Variants in AFAP1L2 observed in about 807,000 individuals in gnomAD.
AFAP1L2 encodes actin filament associated protein 1 like 2, also known as actin filament-associated protein 1-like 2.
A neutral mutation model predicts 99.3 loss-of-function variants in AFAP1L2; 46 were observed. The observed-to-expected ratio is 0.46, with a 90% confidence interval of 0.37 to 0.59. The LOEUF (loss-of-function observed/expected upper bound fraction) is 0.59, where lower values mean the gene tolerates loss of function less well. AFAP1L2 is among the 20% of genes least tolerant of loss of function. The pLI, the probability that AFAP1L2 is intolerant of heterozygous loss-of-function variation, is 0.00. For synonymous variants in AFAP1L2, 397 were observed against 419.1 expected, an observed-to-expected ratio of 0.95 and a Z score of 0.64; for missense variants, 959 against 1,034.9, an observed-to-expected ratio of 0.93 and a Z score of 1.01.
At chr10:114,282,396 G>A in the AFAP1L2 span, 1 of 785,466 alleles carries the variant, frequency 1.3e-6, no homozygotes. Context: ...AAACCAGGAA[G>A]TCTTTCTTAC....
chr10:114,293,557 T>A (rs2039797121), downstream of AFAP1L2, among the ~76,000 whole-genome samples: 1 of 152,214 alleles, frequency 6.6e-6, no homozygotes, highest in African/African-American at 2.4e-5. Context: ...GAAAGTGCTA[T>A]CCTATGGCCT....
chr10:114,340,551 A>G, intron 2 of AFAP1L2, 52 bp downstream of exon 2: 2 of 1,576,500 alleles, frequency 1.3e-6, no homozygotes, highest in Non-Finnish European at 1.7e-6. Flanking sequence ...ACTGACTCAC[A>G]ACCATCTCTT....
At chr10:114,302,205 T>C (rs933430593) in intron 12 of AFAP1L2, 134 bp downstream of exon 12, 10 of 1,337,186 alleles carry the variant, frequency 7.5e-6, no homozygotes, top group Non-Finnish European at 9.4e-6. Flanking sequence ...ACTCCTTGGC[T>C]TCACATTTTC....
At chr10:114,363,052 T>C (rs2052669569) in intron 1 of AFAP1L2, 20 of 985,352 alleles carry the variant, frequency 2.0e-5, no homozygotes, top group Non-Finnish European at 2.4e-5. Flanking sequence ...CCCAGGCTGC[T>C]CTCCGCTGGG....
intron 1 of AFAP1L2, chr10:114,362,990 G>A: frequency 2.0e-6 from 2 of 985,406 alleles, no homozygotes; most frequent in Non-Finnish European, 2.4e-6. Flanking sequence ...CCTGGTGGCA[G>A]CCCGACAGGT....
chr10:114,328,548 G>A (rs1302691361), intron 4 of AFAP1L2, among the ~76,000 whole-genome samples: 1 of 152,166 alleles, frequency 6.6e-6, no homozygotes, highest in African/African-American at 2.4e-5. Flanking sequence ...TCAGGCAGCT[G>A]TGGCCTCTCC....
At chr10:114,299,152 A>C in intron 16 of AFAP1L2, 108 bp downstream of exon 16, 12 of 1,326,542 alleles carry the variant, frequency 9.0e-6, no homozygotes, top group African/African-American at 1.5e-5. Context: ...TGAAGGGGCC[A>C]GGGCCCACTG....
intron 1 of AFAP1L2, among the ~76,000 whole-genome samples, chr10:114,390,985 C>G (rs1342823026): frequency 6.6e-6 from 1 of 152,138 alleles, no homozygotes; most frequent in Non-Finnish European, 1.5e-5. Context: ...ACCCTTGATT[C>G]ACTGTCTTTA....
At chr10:114,352,696 G>T (rs2050722438) in intron 1 of AFAP1L2, among the ~76,000 whole-genome samples, 3 of 152,188 alleles carry the variant, frequency 2.0e-5, no homozygotes, top group African/African-American at 4.8e-5. Flanking sequence ...ACAGGTTAAA[G>T]CCAACACTAG....
intron 10 of AFAP1L2, among the ~76,000 whole-genome samples, chr10:114,307,344 G>T (rs2042593297): frequency 6.6e-6 from 1 of 152,010 alleles, no homozygotes; most frequent in Non-Finnish European, 1.5e-5. Flanking sequence ...TCTGACCACA[G>T]GGCAAGAAAA....
chr10:114,310,794 C>T (rs2134489888), intron 7 of AFAP1L2, among the ~76,000 whole-genome samples: 1 of 152,368 alleles, frequency 6.6e-6, no homozygotes, highest in African/African-American at 2.4e-5. Context: ...GGCAGGGCTA[C>T]TGTTCTGTTG....
rs377652806 is a variant in AFAP1L2 at position 114,370,603 on chromosome 10, T to A, written c.17-29872A>T. Among the ~76,000 whole-genome samples the A allele has an allele frequency of 2.6e-4, 40 of 152,368 alleles. No homozygotes were observed. In the South Asian group the frequency reaches 7.0e-3, roughly 27 times the overall value. On this transcript the variant is annotated intron_variant, in intron 1 of 18. Transcript: ENST00000304129. ...TTTCTTGCACTTACCTTAAGCCAGA[T>A]GTTTTTTGGGCAGAATACCTAAATG...
chr10:114,302,594 G>A, intron 11 of AFAP1L2, 110 bp from the exon 12 acceptor site: 1 of 1,401,848 alleles, frequency 7.1e-7, no homozygotes, highest in Non-Finnish European at 9.7e-7. Flanking sequence ...GCCCACGAAA[G>A]CCTCTGTAAC....
intron 1 of AFAP1L2, among the ~76,000 whole-genome samples, chr10:114,375,331 C>A (rs1292543002): frequency 1.3e-5 from 2 of 152,196 alleles, no homozygotes; most frequent in Non-Finnish European, 2.9e-5. Context: ...TATTTCCTAT[C>A]TGCTCATTAC....
intron 1 of AFAP1L2, among the ~76,000 whole-genome samples, chr10:114,355,788 A>C (rs988612722): frequency 1.3e-5 from 2 of 152,126 alleles, no homozygotes; most frequent in African/African-American, 4.8e-5. Context: ...CCTGCGCAAC[A>C]TGCAAAAACC....
In AFAP1L2 at chr10:114,318,748, G is replaced by GAAAAAGAAAAAAAGAA. The variant is rs376230208; in HGVS notation, c.407-2984_407-2983insTTCTTTTTTTCTTTTT. 3.6e-4 allele frequency among the ~76,000 whole-genome samples: 43 copies of GAAAAAGAAAAAAAGAA among 118,924 alleles called. 3 individuals are homozygous for GAAAAAGAAAAAAAGAA. Among genetic ancestry groups the GAAAAAGAAAAAAAGAA allele is most frequent in the Non-Finnish European group, 5.8e-4 (34 of 58,236 alleles). 78.0% of individuals were successfully genotyped at this position (118,924 alleles called of 152,430 possible). On this transcript the variant is annotated intron_variant, in intron 5 of 18. Coordinates refer to ENST00000304129, the MANE Select transcript of AFAP1L2 (RefSeq NM_001001936.3). ...AGGGTGAGACTCTGTCTAAAAAAAA[G>GAAAAAGAAAAAAAGAA]AAAAAAAAAAGAACAACAAATCATA... is the stretch of plus-strand genomic sequence containing the variant.
chr10:114,297,077 A>G lies in AFAP1L2; in HGVS notation c.2331T>C (p.Ser777=), dbSNP rs1192895371. 1 of 1,614,200 alleles carries G rather than the reference A, an allele frequency of 6.2e-7. No homozygotes were observed. ...SPRPKAVTPA[S]APDCTPVNSA... is the part of the protein sequence containing the mutation. ...AGTTGACTGGGGTACAGTCTGGGGC[A>G]GAGGCAGGTGTGACAGCTTTGGGCT... Residue 777 remains serine (S), a synonymous_variant, in exon 18 of 19, where the codon TCT becomes TCC. Coordinates refer to ENST00000304129, the MANE Select transcript of AFAP1L2 (RefSeq NM_001001936.3).
At chr10:114,384,076 C>T (rs2093372) in intron 1 of AFAP1L2, among the ~76,000 whole-genome samples, 1,543 of 152,292 alleles carry the variant, frequency 0.01, 28 homozygotes, top group South Asian at 0.055. Context: ...CTAAAAGGAC[C>T]GGACCCTCTC....
intron 1 of AFAP1L2, chr10:114,399,023 GT>G: frequency 1.2e-6 from 1 of 823,936 alleles, no homozygotes; most frequent in Non-Finnish European, 1.8e-6. Flanking sequence ...TGTGAACCAG[GT>G]CTGTTCTCCA....
Sources: gnomAD v4.1 joint callset for allele counts (sites outside exome capture counted in the v4.1 genomes callset) on GRCh38, gnomAD v4.1.1 for gene constraint, MANE v1.5 for transcripts, NCBI Gene and HGNC (gene_info 2026-07-23, HGNC 2026-07-21) for gene names.